SSBP2: variants seen among roughly 807,000 people sequenced by gnomAD.
SSBP2 encodes single stranded DNA binding protein 2.
Under a neutral mutation model 61.8 loss-of-function variants are expected in SSBP2, and 17 were observed. That is an observed-to-expected ratio of 0.28 (90% confidence interval 0.19 to 0.41). SSBP2 has a LOEUF of 0.41. Among genes scored for constraint, SSBP2 ranks in the 10% least tolerant of loss-of-function variants. SSBP2 has a pLI of 1.00. For missense variants in SSBP2, 310 were observed against 458.7 expected (o/e 0.68, Z 2.96); for synonymous variants, 139 against 141.3 (o/e 0.98, Z 0.12).
chr5:81,566,203 T>G (rs895186858), intron 4 of SSBP2, among the ~76,000 whole-genome samples: 1 of 152,214 alleles, frequency 6.6e-6, no homozygotes, highest in African/African-American at 2.4e-5. Flanking sequence ...ACAACACTGC[T>G]TCTATAAGGT....
chr5:81,523,167 G>C (rs903211287), intron 4 of SSBP2, among the ~76,000 whole-genome samples: 1 of 151,964 alleles, frequency 6.6e-6, no homozygotes, highest in Admixed American at 6.6e-5. Flanking sequence ...AGGTAACAAG[G>C]GAGAAGCAAC....
chr5:81,666,221 T>C (rs1162441105), intron 1 of SSBP2, among the ~76,000 whole-genome samples: 2 of 152,208 alleles, frequency 1.3e-5, no homozygotes, highest in Non-Finnish European at 2.9e-5. Flanking sequence ...ACTTATAACG[T>C]ATTTTTTATA....
In SSBP2 at chr5:81,644,233, C is replaced by T. The variant is rs148458360; in HGVS notation, c.135+6034G>A. Among the ~76,000 whole-genome samples the T allele has an allele frequency of 2.7e-3, 415 of 152,264 alleles. 3 individuals are homozygous for T. Among genetic ancestry groups the T allele is most frequent in the Middle Eastern group, 6.8e-3 (2 of 294 alleles). ...AAAGAAGTCTTCCTAAAGAGGACTA[C>T]CTCTTATTGGGAAAACTCCTTAATG... On this transcript the variant is annotated intron_variant, in intron 2 of 16. Coordinates refer to ENST00000320672, the MANE Select transcript of SSBP2 (RefSeq NM_012446.5).
intron 4 of SSBP2, among the ~76,000 whole-genome samples, chr5:81,545,165 A>C (rs1771634142): frequency 6.6e-6 from 1 of 152,216 alleles, no homozygotes; most frequent in South Asian, 2.1e-4. Context: ...TTTTAGTATA[A>C]GTATGCCTTA....
At chr5:81,734,830 G>A (rs1158195585) in intron 1 of SSBP2, among the ~76,000 whole-genome samples, 1 of 151,984 alleles carries the variant, frequency 6.6e-6, no homozygotes, top group East Asian at 1.9e-4. Context: ...AACTAGCCGG[G>A]CGTGGAGGTG....
chr5:81,614,140 C>A (rs1160823954), intron 4 of SSBP2, among the ~76,000 whole-genome samples: 1 of 152,022 alleles, frequency 6.6e-6, no homozygotes, highest in Non-Finnish European at 1.5e-5. Flanking sequence ...GCGGGCGGAT[C>A]ACGAGGTCAG....
chr5:81,632,578 C>A (rs185656709), intron 3 of SSBP2, among the ~76,000 whole-genome samples: 110 of 152,278 alleles, frequency 7.2e-4, no homozygotes, highest in African/African-American at 2.6e-3. Flanking sequence ...CCTCTTGCCA[C>A]AAGGGTAGAG....
intron 1 of SSBP2, among the ~76,000 whole-genome samples, chr5:81,655,898 T>G (rs1750166134): frequency 6.6e-6 from 1 of 152,328 alleles, no homozygotes; most frequent in African/African-American, 2.4e-5. Context: ...ATGAATTCAA[T>G]ATCTATAGTA....
chr5:81,496,461 T>C (rs1767287089), intron 5 of SSBP2, among the ~76,000 whole-genome samples: 2 of 152,162 alleles, frequency 1.3e-5, no homozygotes, highest in Non-Finnish European at 2.9e-5. Context: ...ATTACAGGTG[T>C]GAGCCACAGC....
intron 4 of SSBP2, among the ~76,000 whole-genome samples, chr5:81,613,328 T>C (rs1202627871): frequency 6.6e-6 from 1 of 152,222 alleles, no homozygotes; most frequent in Admixed American, 6.5e-5. Flanking sequence ...GTTCCTCCTT[T>C]AAAATCTACT....
At chr5:81,647,998 A>G (rs981639357) in intron 2 of SSBP2, among the ~76,000 whole-genome samples, 4 of 152,132 alleles carry the variant, frequency 2.6e-5, no homozygotes, top group Admixed American at 2.6e-4. Context: ...CAATGTTGGT[A>G]AGAAAATATA....
At chr5:81,652,614 A>C (rs1010619322) in intron 1 of SSBP2, among the ~76,000 whole-genome samples, 3 of 152,206 alleles carry the variant, frequency 2.0e-5, no homozygotes, top group African/African-American at 7.2e-5. Context: ...CATGTTCTGC[A>C]ATCTCCTTTG....
intron 4 of SSBP2, among the ~76,000 whole-genome samples, chr5:81,588,315 G>A (rs1775233131): frequency 6.6e-6 from 1 of 152,028 alleles, no homozygotes; most frequent in Admixed American, 6.6e-5. Context: ...TAAAGATGTA[G>A]ATCACAATGG....
intron 10 of SSBP2, among the ~76,000 whole-genome samples, chr5:81,457,727 T>A (rs1764259753): frequency 6.6e-6 from 1 of 151,972 alleles, no homozygotes; most frequent in Non-Finnish European, 1.5e-5. Flanking sequence ...AATGGCGCGA[T>A]CTCGGCTCAC....
At chr5:81,730,637 TAA>T (rs1488278656) in intron 1 of SSBP2, among the ~76,000 whole-genome samples, 2 of 152,234 alleles carry the variant, frequency 1.3e-5, no homozygotes, top group South Asian at 2.1e-4. Flanking sequence ...TGGTATAATA[TAA>T]GTCATAATAT....
chr5:81,653,081 A>G (rs908377309), intron 1 of SSBP2, among the ~76,000 whole-genome samples: 11 of 151,846 alleles, frequency 7.2e-5, no homozygotes, highest in Admixed American at 2.6e-4. Flanking sequence ...ATTTCTCCTA[A>G]TGCTATCCCT....
chr5:81,499,069 C>T (rs1767503826), intron 5 of SSBP2, among the ~76,000 whole-genome samples: 1 of 152,138 alleles, frequency 6.6e-6, no homozygotes, highest in Non-Finnish European at 1.5e-5. Flanking sequence ...GTGGATAAGA[C>T]ATTCCTGATT....
intron 1 of SSBP2, among the ~76,000 whole-genome samples, chr5:81,739,164 C>CAAAAAAA (rs71000859): frequency 1.4e-4 from 7 of 51,100 alleles, no homozygotes; most frequent in African/African-American, 3.6e-4. Context: ...ACTCCATCTC[C>CAAAAAAA]AAAAAAAAAA....
intron 4 of SSBP2, 42 bp from the exon 5 acceptor site, chr5:81,513,759 G>A (rs369292022): frequency 1.9e-4 from 265 of 1,376,332 alleles, no homozygotes; most frequent in Non-Finnish European, 2.6e-4. Flanking sequence ...TCATTACAGA[G>A]AAGGCACAAA....
Sources: allele counts gnomAD v4.1 joint callset (sites outside exome capture counted in the v4.1 genomes callset), GRCh38; gene constraint gnomAD v4.1.1; transcripts MANE v1.5; gene names NCBI Gene and HGNC (gene_info 2026-07-23, HGNC 2026-07-21).